The following INSR variants were observed in gnomAD, a reference collection of about 807,000 sequenced individuals.
INSR encodes the protein insulin receptor.
A neutral mutation model predicts 142.6 loss-of-function variants in INSR; 67 were observed. The ratio of observed to expected loss-of-function variants is 0.47; its 90% CI spans 0.39 to 0.58. The LOEUF (loss-of-function observed/expected upper bound fraction) is 0.58. Ranked by LOEUF, INSR falls within the 20% of genes least tolerant of loss-of-function variation. The pLI is 0.00. For synonymous variants in INSR, 756 were observed against 743.1 expected (o/e 1.02, Z -0.28); for missense variants, 1,248 against 1,833.2 (o/e 0.68, Z 5.83).
Position 7,118,807 on chromosome 19 carries a change from C to A in INSR, c.3794+642G>T, listed in dbSNP as rs186301769. Among the ~76,000 whole-genome samples, 366 of 147,438 alleles carry A rather than the reference C, an allele frequency of 2.5e-3. 1 individual carries two copies. The highest frequency in any genetic ancestry group is 4.2e-3 in the Non-Finnish European group (285 of 67,300). ...GTGGGTGCCTGTAGTCCTAGCTACTCGGGAGGCTGAGGCAAGAGAATGGTG... is the reference window on the plus strand; with the variant it reads ...GTGGGTGCCTGTAGTCCTAGCTACTAGGGAGGCTGAGGCAAGAGAATGGTG... On this transcript the variant is annotated intron_variant, in intron 21 of 21. Transcript: ENST00000302850.
chr19:7,162,377 C>T (rs565847611), intron 9 of INSR, among the ~76,000 whole-genome samples: 10 of 145,840 alleles, frequency 6.9e-5, no homozygotes, highest in African/African-American at 1.8e-4. Context: ...TGCACACCTG[C>T]AGACAATTGT....
rs183505842 is a variant in INSR at position 7,287,295 on chromosome 19, G to A, written c.100+6497C>T. On this transcript the variant is annotated intron_variant, in intron 1 of 21. Transcript: ENST00000302850. ...CTGCCTCAGCCTCCCAACTAGCTGG[G>A]ATTACAGGCATGCGCCACCACGCCT... 5.8e-4 allele frequency among the ~76,000 whole-genome samples: 88 copies of A among 152,046 alleles called. 1 individual carries two copies. The East Asian group carries it at 0.012, about 21-fold the overall frequency.
chr19:7,207,084 A>G (rs1159279448), intron 2 of INSR, among the ~76,000 whole-genome samples: 1 of 152,112 alleles, frequency 6.6e-6, no homozygotes, highest in Non-Finnish European at 1.5e-5. Flanking sequence ...ATGATTGGGA[A>G]CTTGAACCAC....
chr19:7,286,064 C>T (rs1968337735), intron 1 of INSR, among the ~76,000 whole-genome samples: 1 of 151,938 alleles, frequency 6.6e-6, no homozygotes, highest in African/African-American at 2.4e-5. Context: ...ACTGGCGCCT[C>T]GACTTCCCAG....
At chr19:7,281,545 G>A (rs937368075) in intron 1 of INSR, among the ~76,000 whole-genome samples, 5 of 152,004 alleles carry the variant, frequency 3.3e-5, no homozygotes, top group African/African-American at 1.2e-4. Context: ...GCCAGGCATG[G>A]TGGTGCATGC....
chr19:7,178,579 C>T (rs1286642845), intron 3 of INSR, among the ~76,000 whole-genome samples: 3 of 151,938 alleles, frequency 2.0e-5, no homozygotes, highest in African/African-American at 4.8e-5. Context: ...ATTAGCCGTG[C>T]GTGATGGTGC....
In INSR at chr19:7,119,776, G is replaced by A. The variant is rs1019513055; in HGVS notation, c.3660-193C>T. Among the ~76,000 whole-genome samples, 5 of 109,360 alleles carry A rather than the reference G, an allele frequency of 4.6e-5. No homozygotes were observed. The highest frequency in any genetic ancestry group is 9.1e-5 in the Non-Finnish European group (5 of 54,924). The allele number at this position is 109,360 out of a possible 152,430, so 71.7% of individuals were successfully genotyped here. The stretch of plus-strand genomic sequence containing the variant: ...CATGCAAATACACACAAACACGCAT[G>A]CGCACACATGCACACACAAATATGC... On this transcript the variant is annotated intron_variant, in intron 20 of 21. Transcript: ENST00000302850. This position sits in a 1 kb window ranked among gnomAD's most constrained non-coding sequence, Gnocchi z 5.2.
At chr19:7,265,162 T>A (rs995923699) in intron 2 of INSR, among the ~76,000 whole-genome samples, 3 of 152,170 alleles carry the variant, frequency 2.0e-5, no homozygotes. Flanking sequence ...AAACAAGTAA[T>A]GTGTGAATGT....
chr19:7,258,087 A>G (rs1373968780), intron 2 of INSR, among the ~76,000 whole-genome samples: 1 of 152,156 alleles, frequency 6.6e-6, no homozygotes, highest in Non-Finnish European at 1.5e-5. Flanking sequence ...CGGCCTCCCA[A>G]GGTGCTGGGA....
At chr19:7,202,676 CT>C (rs1974995996) in intron 2 of INSR, among the ~76,000 whole-genome samples, 1 of 151,810 alleles carries the variant, frequency 6.6e-6, no homozygotes, top group African/African-American at 2.4e-5. Flanking sequence ...AATTTTTGTA[CT>C]TTTAGTAGAG....
rs148429370 is a variant in INSR, at chr19:7,278,807, A to C, written c.101-10911T>G. ...TCAGGAGTTTGAGACCAGCCTGGCCAACAAAGTGAAACCCCATGTCTACTA... is the reference window on the plus strand; with the variant it reads ...TCAGGAGTTTGAGACCAGCCTGGCCCACAAAGTGAAACCCCATGTCTACTA... On this transcript the variant is annotated intron_variant, in intron 1 of 21. Coordinates refer to ENST00000302850, the MANE Select transcript of INSR (RefSeq NM_000208.4). 3.6e-3 allele frequency among the ~76,000 whole-genome samples: 542 copies of C among 152,282 alleles called. 6 individuals are homozygous for C. The highest frequency in any genetic ancestry group is 0.013 in the African/African-American group (526 of 41,548).
At position 7,187,247 on chromosome 19, in the gene INSR, T is replaced by C. The variant is rs562270022; in HGVS notation, c.653-2610A>G. 9.3e-5 allele frequency among the ~76,000 whole-genome samples: 14 copies of C among 150,768 alleles called. No homozygotes were observed. In the East Asian group the frequency reaches 2.8e-3, roughly 30 times the overall value. The stretch of plus-strand genomic sequence containing the variant: ...GGTGCCCACCACCACACCCCGCTAA[T>C]TTTTTTGTATTTTTAGTAGAGACGG... On this transcript the variant is annotated intron_variant, in intron 2 of 21. Transcript: ENST00000302850.
At chr19:7,217,437 T>TA (rs1362245652) in intron 2 of INSR, among the ~76,000 whole-genome samples, 1 of 152,170 alleles carries the variant, frequency 6.6e-6, no homozygotes, top group African/African-American at 2.4e-5. Flanking sequence ...TGACAGGGAT[T>TA]ACGATGTGGG....
At chr19:7,151,756 G>A (rs1184876861) in intron 10 of INSR, among the ~76,000 whole-genome samples, 1 of 151,636 alleles carries the variant, frequency 6.6e-6, no homozygotes, top group Non-Finnish European at 1.5e-5. Context: ...AGAAAAGTCT[G>A]CTCGGATGAA....
rs1368298484 is a variant in INSR, at chr19:7,137,939, G to GA, written c.2682+3737dup. 2.0e-5 allele frequency among the ~76,000 whole-genome samples: 3 copies of GA among 151,122 alleles called. No individual in the cohort carries two copies. The East Asian group carries it at 5.8e-4, about 29-fold the overall frequency. ...TCATAAGCTAGTCTGGATACAGGGG[G>GA]ATTCCTTTTTCTTCTTTTTTCTTTT... On this transcript the variant is annotated intron_variant, in intron 13 of 21. Coordinates refer to ENST00000302850, the MANE Select transcript of INSR (RefSeq NM_000208.4).
chr19:7,140,612 G>A (rs937054082), intron 13 of INSR, among the ~76,000 whole-genome samples: 11 of 152,142 alleles, frequency 7.2e-5, no homozygotes, highest in African/African-American at 2.7e-4. Context: ...CTGGGATAAT[G>A]TGAGGACGTA....
intron 2 of INSR, among the ~76,000 whole-genome samples, chr19:7,199,703 C>T (rs1465978188): frequency 1.3e-5 from 2 of 151,218 alleles, no homozygotes; most frequent in Non-Finnish European, 2.9e-5. Flanking sequence ...CTGGCTGTAA[C>T]ACGGCATCAC....
At chr19:7,209,189 A>G (rs1017807969) in intron 2 of INSR, among the ~76,000 whole-genome samples, 3 of 152,148 alleles carry the variant, frequency 2.0e-5, no homozygotes, top group Non-Finnish European at 4.4e-5. Context: ...AGCTGGGCAT[A>G]GTGGCACACA....
chr19:7,133,890 C>G (rs1972844651), intron 13 of INSR, among the ~76,000 whole-genome samples: 1 of 148,448 alleles, frequency 6.7e-6, no homozygotes, highest in Non-Finnish European at 1.5e-5. Context: ...AAATAAAATG[C>G]AAAAGTGACT....
Sources: allele counts gnomAD v4.1 joint callset (sites outside exome capture counted in the v4.1 genomes callset), GRCh38; gene constraint gnomAD v4.1.1; non-coding constraint Gnocchi (gnomAD v3.1); transcripts MANE v1.5; gene names NCBI Gene and HGNC (gene_info 2026-07-23, HGNC 2026-07-21).